Variants in GAB1 observed in about 807,000 individuals in gnomAD.
The protein encoded by GAB1 is GRB2-associated-binding protein 1.
Under a neutral mutation model 66.5 loss-of-function variants are expected in GAB1, and 19 were observed. The ratio of observed to expected loss-of-function variants is 0.29; its 90% CI spans 0.20 to 0.42. The LOEUF (loss-of-function observed/expected upper bound fraction) is 0.42. Ranked by LOEUF, GAB1 falls within the 10% of genes least tolerant of loss-of-function variation. The pLI is 1.00. For missense variants in GAB1, 732 were observed against 858.5 expected (o/e 0.85, Z 1.84); for synonymous variants, 294 against 301.4 (o/e 0.98, Z 0.25).
chr4:143,351,602 T>C (rs1268848558), intron 1 of GAB1, among the ~76,000 whole-genome samples: 6 of 152,158 alleles, frequency 3.9e-5, no homozygotes, highest in Admixed American at 3.9e-4. Context: ...CCTAGGTTCG[T>C]GGGGATGGAT....
chr4:143,416,403 G>A (rs146970776), intron 2 of GAB1, among the ~76,000 whole-genome samples: 5 of 151,672 alleles, frequency 3.3e-5, no homozygotes, highest in East Asian at 2.0e-4. Context: ...GCGAGACTCC[G>A]TCTCAAAAAA....
At position 143,471,060 on chromosome 4, in the gene GAB1, G is replaced by A. The variant is rs1318317192; in HGVS notation, c.*1871G>A. On this transcript the variant is annotated 3_prime_UTR_variant, in exon 10 of 10. Transcript: ENST00000262994. ...ATGTGCCTAAACTATCAAAACACACGATACAGCTAATGTGTAAAGATGCTA... is the reference window on the plus strand; with the variant it reads ...ATGTGCCTAAACTATCAAAACACACAATACAGCTAATGTGTAAAGATGCTA... 6.6e-6 allele frequency: 1 copy of A among 152,094 alleles called. No homozygotes were observed. The highest frequency in any genetic ancestry group is 1.5e-5 in the Non-Finnish European group (1 of 68,018). The allele number at this position is 152,094 out of a possible 1,614,324, so 9.4% of individuals were successfully genotyped here.
intron 3 of GAB1, among the ~76,000 whole-genome samples, chr4:143,436,263 G>A (rs1179025981): frequency 6.6e-6 from 1 of 152,182 alleles, no homozygotes; most frequent in Non-Finnish European, 1.5e-5. Flanking sequence ...AGCATGGTGG[G>A]AGGAAGATAA....
chr4:143,337,223 T>G lies in GAB1; in HGVS notation c.35T>G (p.Leu12Arg). 1 of 1,586,466 alleles carries G rather than the reference T, an allele frequency of 6.3e-7. No homozygotes were observed. Residue 12 changes from leucine to arginine, a missense_variant, in exon 1 of 10, where the codon CTC becomes CGC. Transcript: ENST00000262994. ...SGGEVVCSGW[L>R]RKSPPEKKLK... Reference sequence around the variant, plus strand: ...GGTGAAGTGGTCTGCTCCGGATGGCTCCGCAAGTCCCCCCCGGAGAAAAAG... The same window carrying G: ...GGTGAAGTGGTCTGCTCCGGATGGCGCCGCAAGTCCCCCCCGGAGAAAAAG...
chr4:143,360,250 G>A (rs573267359), intron 1 of GAB1, among the ~76,000 whole-genome samples: 4 of 152,090 alleles, frequency 2.6e-5, no homozygotes, highest in African/African-American at 4.8e-5. Context: ...TTAAAAAACC[G>A]GAATTCAAGA....
intron 6 of GAB1, among the ~76,000 whole-genome samples, chr4:143,446,117 A>G (rs1734508964): frequency 6.6e-6 from 1 of 152,194 alleles, no homozygotes; most frequent in African/African-American, 2.4e-5. Context: ...TACAAAGGAC[A>G]TGAACTCATC....
intron 2 of GAB1, among the ~76,000 whole-genome samples, chr4:143,427,774 A>G (rs1259387128): frequency 6.6e-6 from 1 of 152,192 alleles, no homozygotes; most frequent in Admixed American, 6.5e-5. Flanking sequence ...AAGGAGTCCT[A>G]CGGATTCAGA....
chr4:143,390,290 C>T (rs543911763), intron 1 of GAB1, among the ~76,000 whole-genome samples: 1 of 151,894 alleles, frequency 6.6e-6, no homozygotes, highest in Admixed American at 6.6e-5. Context: ...GTGGGCAAAC[C>T]AAATATAATT....
At chr4:143,364,761 C>T (rs886267212) in intron 1 of GAB1, among the ~76,000 whole-genome samples, 9 of 151,774 alleles carry the variant, frequency 5.9e-5, no homozygotes, top group East Asian at 1.9e-4. Flanking sequence ...TCACTCCCCG[C>T]GTCCCACATC....
At chr4:143,452,756 A>G (rs1171679260) in intron 6 of GAB1, among the ~76,000 whole-genome samples, 3 of 152,226 alleles carry the variant, frequency 2.0e-5, no homozygotes, top group Non-Finnish European at 4.4e-5. Flanking sequence ...CCCAGTAGTC[A>G]GTGCTCTTCA....
intron 7 of GAB1, among the ~76,000 whole-genome samples, chr4:143,459,827 C>T (rs1735390615): frequency 6.6e-6 from 1 of 151,926 alleles, no homozygotes; most frequent in Non-Finnish European, 1.5e-5. Context: ...CTCATGTAAA[C>T]AAAAATTTCT....
intron 1 of GAB1, among the ~76,000 whole-genome samples, chr4:143,362,448 C>A (rs368401206): frequency 6.6e-6 from 1 of 151,992 alleles, no homozygotes; most frequent in Non-Finnish European, 1.5e-5. Flanking sequence ...TAGAGCAGCC[C>A]GAGGGCTGCT....
In GAB1 at chr4:143,425,230, C is replaced by CA. The variant is rs1417207995; in HGVS notation, c.368-8260dup. 7 of 921,222 alleles carry CA rather than the reference C, an allele frequency of 7.6e-6. No individual in the cohort carries two copies. The East Asian group carries it at 1.7e-4, about 22-fold the overall frequency. 57.1% of individuals were successfully genotyped at this position (921,222 alleles called of 1,614,324 possible). A position where few individuals can be genotyped will look rare whatever the true frequency, so the allele number is the denominator to read the frequency against. ...AGGACCTGGGAGAAGCTTCTGCTGG[C>CA]AGCTCATGCCATTGTTGCCGTTGAA... On this transcript the variant is annotated intron_variant, in intron 2 of 9. Coordinates refer to ENST00000262994, the MANE Select transcript of GAB1 (RefSeq NM_002039.4).
intron 1 of GAB1, among the ~76,000 whole-genome samples, chr4:143,384,089 A>AG (rs1730783227): frequency 6.6e-6 from 1 of 152,142 alleles, no homozygotes; most frequent in Admixed American, 6.5e-5. Context: ...GAAAAAAAAA[A>AG]GATATGTGAA....
At chr4:143,353,673 C>CAA (rs552747425) in intron 1 of GAB1, among the ~76,000 whole-genome samples, 2 of 122,200 alleles carry the variant, frequency 1.6e-5, no homozygotes, top group African/African-American at 3.0e-5. Flanking sequence ...AGATCCTGAC[C>CAA]AAAAAAAAAA....
At chr4:143,442,842 C>T (rs1222135743) in intron 6 of GAB1, among the ~76,000 whole-genome samples, 3 of 151,738 alleles carry the variant, frequency 2.0e-5, no homozygotes, top group Non-Finnish European at 4.4e-5. Context: ...TCGTTGGCCA[C>T]ATTATTTATT....
At position 143,438,345 on chromosome 4, in the gene GAB1, G is replaced by A; in HGVS notation, c.940G>A (p.Gly314Ser). ...SISYDIPPTP[G>S]NTYQIPRTFP... ...TAGTTATGACATTCCTCCAACACCT[G>A]GTAATACTTATCAGATTCCACGAAC... Residue 314 changes from glycine (G) to serine (S), a missense_variant, in exon 4 of 10, where the codon GGT (glycine) becomes AGT (serine). Gly to Ser is a moderately conservative substitution (Grantham distance 56). Coordinates refer to ENST00000262994, the MANE Select transcript of GAB1 (RefSeq NM_002039.4). The A allele has an allele frequency of 6.2e-7, 1 of 1,613,988 alleles. No individual in the cohort carries two copies. The highest frequency in any genetic ancestry group is 8.5e-7 in the Non-Finnish European group (1 of 1,179,964).
intron 1 of GAB1, among the ~76,000 whole-genome samples, chr4:143,380,910 A>G (rs1730632232): frequency 6.6e-6 from 1 of 152,218 alleles, no homozygotes; most frequent in Admixed American, 6.5e-5. Flanking sequence ...CTGTGGGTTG[A>G]GAGTTTTTTT....
chr4:143,407,575 T>A (rs1732118010), intron 1 of GAB1, among the ~76,000 whole-genome samples: 1 of 152,224 alleles, frequency 6.6e-6, no homozygotes, highest in African/African-American at 2.4e-5. Flanking sequence ...AGTGTATTCT[T>A]TTGTTTATAT....
Sources: allele counts gnomAD v4.1 joint callset (sites outside exome capture counted in the v4.1 genomes callset), GRCh38; gene constraint gnomAD v4.1.1; transcripts MANE v1.5; gene names NCBI Gene and HGNC (gene_info 2026-07-23, HGNC 2026-07-21).